GABRA3: variants seen among roughly 807,000 people sequenced by gnomAD.
GABRA3 encodes the protein gamma-aminobutyric acid type A receptor subunit alpha3, also known as gamma-aminobutyric acid receptor subunit alpha-3.
In GABRA3, 10 loss-of-function variants were observed where a neutral mutation model predicts 30.1. The ratio of observed to expected loss-of-function variants is 0.33; its 90% CI spans 0.20 to 0.56. The LOEUF (loss-of-function observed/expected upper bound fraction) is 0.56, where lower values mean the gene tolerates loss of function less well. Ranked by LOEUF, GABRA3 falls within the 20% of genes least tolerant of loss-of-function variation. GABRA3 has a pLI of 0.89. For synonymous variants in GABRA3, 151 were observed against 146.8 expected (o/e 1.03, Z -0.21); for missense variants, 233 against 392.0 (o/e 0.59, Z 3.42).
chrX:152,239,457 A>G (rs1938306832), intron 5 of GABRA3, among the ~76,000 whole-genome samples: 1 of 96,355 alleles, frequency 1.0e-5, no homozygotes, highest in Non-Finnish European at 2.0e-5. Flanking sequence ...GTGCTGAAAA[A>G]AATGTATATT....
chrX:152,363,190 G>A (rs1410271206), intron 2 of GABRA3, among the ~76,000 whole-genome samples: 2 of 112,014 alleles, frequency 1.8e-5, no homozygotes, highest in African/African-American at 6.5e-5. Flanking sequence ...CACCTGAGGG[G>A]TGAACAAAAG....
chrX:152,405,681 G>A (rs1417023511), intron 1 of GABRA3, among the ~76,000 whole-genome samples: 2 of 111,483 alleles, frequency 1.8e-5, no homozygotes, highest in African/African-American at 6.5e-5. Context: ...CTAATTCCTG[G>A]CCCTAGCTCC....
At chrX:152,232,616 T>A (rs1603218689) in intron 5 of GABRA3, among the ~76,000 whole-genome samples, 1 of 103,460 alleles carries the variant, frequency 9.7e-6, no homozygotes. Context: ...TGATAAATAG[T>A]GTTCTATTGT....
rs748828078 is a variant in GABRA3, at chrX:152,255,752, T to C, written c.551+26A>G. On this transcript the variant is annotated intron_variant, in intron 5 of 9. Coordinates refer to ENST00000370314, the MANE Select transcript of GABRA3 (RefSeq NM_000808.4). ...AGCCCAGTCCTACTCCCAATATACT[T>C]TGGGTGGGAACCACCACTCTCTGAC... 4.0e-5 allele frequency: 47 copies of C among 1,162,894 alleles called. No homozygotes were observed. In the East Asian group the frequency reaches 1.3e-3, roughly 33 times the overall value.
At chrX:152,314,818 T>C (rs1212727687) in intron 3 of GABRA3, among the ~76,000 whole-genome samples, 1 of 112,296 alleles carries the variant, frequency 8.9e-6, no homozygotes, top group East Asian at 2.8e-4. Flanking sequence ...TATGATTATT[T>C]CTTTAATGTT....
At chrX:152,266,174 GAC>G (rs1392969567) in intron 4 of GABRA3, among the ~76,000 whole-genome samples, 5 of 111,017 alleles carry the variant, frequency 4.5e-5, no homozygotes, top group Non-Finnish European at 9.5e-5. Context: ...ACTAGACAAA[GAC>G]ACATAAAAAA....
At chrX:152,216,531 G>A (rs1937728633) in intron 6 of GABRA3, among the ~76,000 whole-genome samples, 1 of 109,127 alleles carries the variant, frequency 9.2e-6, no homozygotes, top group African/African-American at 3.3e-5. Context: ...GTTAAATGAA[G>A]TGAGCAAGGC....
At position 152,303,316 on chromosome X, in the gene GABRA3, G is replaced by C. The variant is rs191554607; in HGVS notation, c.263-18581C>G. On this transcript the variant is annotated intron_variant, in intron 3 of 9. Transcript: ENST00000370314. Reference sequence around the variant, plus strand: ...ATCATTAAAAAGTCAGGAAACAACAGATGCCGGCCAGGATGTGGAGGAATA... The same window carrying C: ...ATCATTAAAAAGTCAGGAAACAACACATGCCGGCCAGGATGTGGAGGAATA... Among the ~76,000 whole-genome samples, 199 of 111,945 alleles carry C rather than the reference G, an allele frequency of 1.8e-3. 1 individual carries two copies. Among genetic ancestry groups the C allele is most frequent in the African/African-American group, 6.1e-3 (187 of 30,794 alleles).
intron 5 of GABRA3, among the ~76,000 whole-genome samples, chrX:152,235,859 T>C (rs1938192825): frequency 9.2e-6 from 1 of 108,814 alleles, no homozygotes; most frequent in Admixed American, 9.9e-5. Context: ...AAAGAAATCA[T>C]AAAATTTGTA....
rs775478546 is a variant in GABRA3 at position 152,364,903 on chromosome X, C to A, written c.-26-307G>T. Among the ~76,000 whole-genome samples, 3 of 111,659 alleles carry A rather than the reference C, an allele frequency of 2.7e-5. No homozygotes were observed. The South Asian group carries it at 1.1e-3, about 42-fold the overall frequency. ...CAGGAGTCTGAGGTTACTGCAACATCTCTTTCCTTGGCTTCACCCTATGTG... is the reference window on the plus strand; with the variant it reads ...CAGGAGTCTGAGGTTACTGCAACATATCTTTCCTTGGCTTCACCCTATGTG... On this transcript the variant is annotated intron_variant, in intron 1 of 9. Coordinates refer to ENST00000370314, the MANE Select transcript of GABRA3 (RefSeq NM_000808.4).
At chrX:152,328,715 T>C (rs1940109696) in intron 3 of GABRA3, among the ~76,000 whole-genome samples, 1 of 111,410 alleles carries the variant, frequency 9.0e-6, no homozygotes, top group Non-Finnish European at 1.9e-5. Flanking sequence ...TAATAAGAGC[T>C]ATTTATGACA....
intron 1 of GABRA3, among the ~76,000 whole-genome samples, chrX:152,421,402 C>T (rs1023867066): frequency 9.0e-6 from 1 of 110,682 alleles, no homozygotes; most frequent in Non-Finnish European, 1.9e-5. Flanking sequence ...TAAATATATA[C>T]GTGTGTGTTT....
chrX:152,205,031 T>C (rs183534177), intron 7 of GABRA3, among the ~76,000 whole-genome samples: 95 of 112,098 alleles, frequency 8.5e-4, no homozygotes, highest in South Asian at 1.5e-3. Context: ...TGTCTCTATG[T>C]TCAAATTTCC....
intron 6 of GABRA3, among the ~76,000 whole-genome samples, chrX:152,222,862 CTT>C (rs371117227): frequency 6.9e-5 from 7 of 101,107 alleles, no homozygotes; most frequent in South Asian, 4.4e-4. Context: ...TCTAGCATGT[CTT>C]TTTTTTTTTT....
At chrX:152,292,688 T>G (rs1939444568) in intron 3 of GABRA3, among the ~76,000 whole-genome samples, 2 of 112,046 alleles carry the variant, frequency 1.8e-5, no homozygotes, top group Non-Finnish European at 3.8e-5. Flanking sequence ...GGGCATTTAG[T>G]GCTATATAAA....
intron 1 of GABRA3, among the ~76,000 whole-genome samples, chrX:152,386,624 G>GAAAA (rs1929321679): frequency 4.7e-5 from 5 of 106,895 alleles, no homozygotes; most frequent in African/African-American, 1.0e-4. Context: ...TTAGAATGGC[G>GAAAA]ATCATTAAAA....
rs767113588 is a variant in GABRA3 at position 152,319,544 on chromosome X, G to A, written c.262+26037C>T. Among the ~76,000 whole-genome samples, 10 of 111,660 alleles carry A rather than the reference G, an allele frequency of 9.0e-5. No individual in the cohort carries two copies. In the South Asian group the frequency reaches 3.3e-3, roughly 37 times the overall value. On this transcript the variant is annotated intron_variant, in intron 3 of 9. Coordinates refer to ENST00000370314, the MANE Select transcript of GABRA3 (RefSeq NM_000808.4). ...AGCCACATGTAGGAGAATGAAACTC[G>A]GTCCTCATCTCTCACCTTATAGGAA...
At chrX:152,286,451 C>G (rs1174649458) in intron 3 of GABRA3, among the ~76,000 whole-genome samples, 28 of 110,915 alleles carry the variant, frequency 2.5e-4, no homozygotes, top group Non-Finnish European at 3.8e-5. Context: ...GAATTGAGCA[C>G]ACTAGTAACA....
In GABRA3 at chrX:152,167,181, G is replaced by T. The variant is rs1245029221; in HGVS notation, c.*1047C>A. On this transcript the variant is annotated 3_prime_UTR_variant, in exon 10 of 10. Transcript: ENST00000370314. ...AGAAAAGTGCCTGGGCCAGGGTGTG[G>T]AATGTGGAGTGTATGGAAGGAAGAA... 9.1e-6 allele frequency: 1 copy of T among 110,454 alleles called. No homozygotes were observed. Among genetic ancestry groups the T allele is most frequent in the African/African-American group, 3.3e-5 (1 of 30,323 alleles). The allele number at this position is 110,454 out of a possible 1,213,427, so 9.1% of individuals were successfully genotyped here.
Sources: gnomAD v4.1 joint callset for allele counts (sites outside exome capture counted in the v4.1 genomes callset) on GRCh38, gnomAD v4.1.1 for gene constraint, MANE v1.5 for transcripts, NCBI Gene and HGNC (gene_info 2026-07-23, HGNC 2026-07-21) for gene names.